Variants in MAP4K3 observed in about 807,000 individuals in gnomAD.
MAP4K3 encodes the protein MAPK/ERK kinase kinase kinase 3.
MAP4K3 carries 94 observed loss-of-function variants against 143.5 expected under a neutral mutation model. The observed-to-expected ratio is 0.65, with a 90% CI of 0.55 to 0.78. The LOEUF (loss-of-function observed/expected upper bound fraction) is 0.78, where lower values mean the gene tolerates loss of function less well. Among genes scored for constraint, MAP4K3 ranks in the 30% least tolerant of loss-of-function variants. The pLI is 0.00. For synonymous variants in MAP4K3, 416 were observed against 347.2 expected, an observed-to-expected ratio of 1.20 and a Z score of -2.20; for missense variants, 1,077 against 1,068.1, an observed-to-expected ratio of 1.01 and a Z score of -0.12.
intron 33 of MAP4K3, 117 bp downstream of exon 33, chr2:39,251,713 A>C: frequency 1.2e-6 from 1 of 819,872 alleles, no homozygotes; most frequent in South Asian, 1.8e-5. Context: ...ATAGTGTGAA[A>C]AATTCAATGT....
chr2:39,301,740 T>C (rs145736531), intron 15 of MAP4K3, among the ~76,000 whole-genome samples: 13 of 152,026 alleles, frequency 8.6e-5, no homozygotes, highest in African/African-American at 2.7e-4. Context: ...ATAAAGGAAA[T>C]AGGCCGGGCG....
intron 31 of MAP4K3, among the ~76,000 whole-genome samples, chr2:39,255,230 C>T (rs1680297954): frequency 1.3e-5 from 2 of 152,164 alleles, no homozygotes; most frequent in South Asian, 4.1e-4. Context: ...TTATTACAAA[C>T]AATTTTGCAA....
At chr2:39,392,950 G>C (rs933928674) in intron 1 of MAP4K3, among the ~76,000 whole-genome samples, 7 of 152,126 alleles carry the variant, frequency 4.6e-5, no homozygotes, top group African/African-American at 1.7e-4. Context: ...CCCAGTCTCA[G>C]GTATTCCATT....
intron 21 of MAP4K3, among the ~76,000 whole-genome samples, chr2:39,282,849 C>T (rs1030195919): frequency 2.6e-5 from 4 of 152,100 alleles, no homozygotes; most frequent in African/African-American, 9.7e-5. Flanking sequence ...AATACATGTT[C>T]CCATAGAAAA....
At chr2:39,406,433 A>C (rs1179636977) in intron 1 of MAP4K3, among the ~76,000 whole-genome samples, 1 of 152,194 alleles carries the variant, frequency 6.6e-6, no homozygotes, top group African/African-American at 2.4e-5. Flanking sequence ...CAAGACATTG[A>C]ATACTCCAAA....
intron 6 of MAP4K3, among the ~76,000 whole-genome samples, chr2:39,334,000 T>TGTGTGTGTG (rs1553413759): frequency 6.8e-6 from 1 of 147,918 alleles, no homozygotes; most frequent in Admixed American, 6.7e-5. Context: ...TGTGTGTGTG[T>TGTGTGTGTG]TTTTAAAAGA....
intron 17 of MAP4K3, 70 bp downstream of exon 17, chr2:39,293,160 C>A: frequency 9.1e-7 from 1 of 1,099,362 alleles, no homozygotes; most frequent in Non-Finnish European, 1.3e-6. Flanking sequence ...GGCTACATAA[C>A]AGAGAAGAAG....
At chr2:39,370,537 A>G (rs560669909) in intron 2 of MAP4K3, among the ~76,000 whole-genome samples, 4 of 152,354 alleles carry the variant, frequency 2.6e-5, no homozygotes, top group Non-Finnish European at 2.9e-5. Flanking sequence ...AGAATATTCC[A>G]TAACATTTAA....
At chr2:39,353,704 G>C (rs537112628) in intron 3 of MAP4K3, among the ~76,000 whole-genome samples, 1 of 152,234 alleles carries the variant, frequency 6.6e-6, no homozygotes, top group East Asian at 1.9e-4. Flanking sequence ...CTAAAATAAT[G>C]ATACTTTTAA....
At chr2:39,417,652 T>C (rs1204943418) in intron 1 of MAP4K3, among the ~76,000 whole-genome samples, 1 of 152,206 alleles carries the variant, frequency 6.6e-6, no homozygotes, top group East Asian at 1.9e-4. Flanking sequence ...AGAGAGATAC[T>C]AAAATAATTA....
At chr2:39,374,381 T>A (rs796280751) in intron 2 of MAP4K3, among the ~76,000 whole-genome samples, 27 of 151,706 alleles carry the variant, frequency 1.8e-4, no homozygotes, top group African/African-American at 4.8e-4. Flanking sequence ...AAATAAAAAT[T>A]AAAATTAAAA....
At chr2:39,383,751 CAG>C (rs1307783998) in intron 1 of MAP4K3, among the ~76,000 whole-genome samples, 1 of 152,014 alleles carries the variant, frequency 6.6e-6, no homozygotes, top group Non-Finnish European at 1.5e-5. Context: ...AAATAGGAAA[CAG>C]GGCAAATTCT....
intron 1 of MAP4K3, among the ~76,000 whole-genome samples, chr2:39,420,997 C>T (rs1226444758): frequency 1.3e-5 from 2 of 152,146 alleles, no homozygotes; most frequent in East Asian, 1.9e-4. Context: ...TTTCCCCTGT[C>T]ATTAATCTAA....
chr2:39,328,241 C>T (rs567510211), intron 8 of MAP4K3, among the ~76,000 whole-genome samples: 56 of 152,112 alleles, frequency 3.7e-4, no homozygotes, highest in Admixed American at 3.4e-3. Flanking sequence ...TGAGGTGGGA[C>T]GATCGCTTGA....
chr2:39,378,862 T>G (rs893160120), intron 1 of MAP4K3, among the ~76,000 whole-genome samples: 1 of 151,574 alleles, frequency 6.6e-6, no homozygotes, highest in African/African-American at 2.4e-5. Flanking sequence ...AATTATATTA[T>G]GTGTATTTAT....
chr2:39,299,607 GA>G, intron 16 of MAP4K3, 135 bp downstream of exon 16: 3 of 434,904 alleles, frequency 6.9e-6, no homozygotes, highest in Non-Finnish European at 1.2e-5. Context: ...GGAAGCAATG[GA>G]AAAAGGTGAA....
chr2:39,334,253 T>C (rs1401005643), intron 6 of MAP4K3, among the ~76,000 whole-genome samples: 1 of 152,168 alleles, frequency 6.6e-6, no homozygotes, highest in Non-Finnish European at 1.5e-5. Flanking sequence ...GATGACTTCA[T>C]CTTCAATAAG....
At position 39,306,657 on chromosome 2, in the gene MAP4K3, A is replaced by G. The variant is rs538432669; in HGVS notation, c.1119+1286T>C. On this transcript the variant is annotated intron_variant, in intron 15 of 33. Transcript: ENST00000263881. ...TTTAAAGGAATCCGAGATTAGTATG[A>G]TAATTTCAAAATCTCAGCTCTCTGC... Among the ~76,000 whole-genome samples the G allele has an allele frequency of 9.1e-4, 139 of 152,336 alleles. 1 individual carries two copies. Among genetic ancestry groups the G allele is most frequent in the Middle Eastern group, 3.4e-3 (1 of 294 alleles).
intron 12 of MAP4K3, among the ~76,000 whole-genome samples, chr2:39,322,086 C>G (rs993272169): frequency 6.6e-6 from 1 of 152,108 alleles, no homozygotes; most frequent in East Asian, 1.9e-4. Context: ...TTCCACCTAA[C>G]GAGAAACACC....
Sources: gnomAD v4.1 joint callset for allele counts (sites outside exome capture counted in the v4.1 genomes callset) on GRCh38, gnomAD v4.1.1 for gene constraint, MANE v1.5 for transcripts, NCBI Gene and HGNC (gene_info 2026-07-23, HGNC 2026-07-21) for gene names.